CD74: variants seen among roughly 807,000 people sequenced by gnomAD.
CD74 encodes HLA class II histocompatibility antigen gamma chain.
CD74 carries 20 observed loss-of-function variants against 37.1 expected under a neutral mutation model. The ratio of observed to expected loss-of-function variants is 0.54; its 90% confidence interval spans 0.38 to 0.78. The LOEUF is 0.78. Ranked by LOEUF, CD74 falls within the 30% of genes least tolerant of loss-of-function variation. The pLI is 0.00. For missense variants in CD74, 338 were observed against 389.5 expected (o/e 0.87, Z 1.11); for synonymous variants, 150 against 152.0 (o/e 0.99, Z 0.10).
intron 6 of CD74, chr5:150,404,409 TGA>T: frequency 4.4e-6 from 2 of 458,156 alleles, no homozygotes; most frequent in Non-Finnish European, 8.1e-6. Flanking sequence ...CCATCCTCTA[TGA>T]GAGAGGTCAC....
chr5:150,402,505 G>T lies in CD74; in HGVS notation c.880+58C>A, dbSNP rs764232600. 3 of 1,421,038 alleles carry T rather than the reference G, an allele frequency of 2.1e-6. No individual in the cohort carries two copies. The highest frequency in any genetic ancestry group is 3.0e-6 in the Non-Finnish European group (3 of 1,003,546). The allele number at this position is 1,421,038 out of a possible 1,614,324, so 88.0% of individuals were successfully genotyped here. ...CACTCCTTCACCTGCCCACAAAGGA[G>T]CTGGCCCTGCTGGGGATGAGCTGCT... On this transcript the variant is annotated intron_variant, in intron 8 of 8. Transcript: ENST00000009530. The surrounding 1 kb of genome is among the most constrained non-coding windows in gnomAD (Gnocchi z 4.2).
chr5:150,406,463 A>G (rs1195110713), intron 3 of CD74, 142 bp from the exon 4 acceptor site: 3 of 708,590 alleles, frequency 4.2e-6, no homozygotes, highest in Non-Finnish European at 7.7e-6. Context: ...ACCTCCAAAC[A>G]TGAGAGCTCG....
Position 150,401,825 on chromosome 5 carries a change from A to C in CD74, c.*415T>G. 3.1e-6 allele frequency: 2 copies of C among 637,266 alleles called. No individual in the cohort carries two copies. Among genetic ancestry groups the C allele is most frequent in the South Asian group, 3.6e-5 (2 of 55,544 alleles). The allele number at this position is 637,266 out of a possible 1,614,324, so 39.5% of individuals were successfully genotyped here. ...AGCCTGCAGGTAAATAGGCTAGAAA[A>C]GCCAAGGCCAAAGGCTGGAGGGGAG... On this transcript the variant is annotated 3_prime_UTR_variant, in exon 9 of 9. Coordinates refer to ENST00000009530, the MANE Select transcript of CD74 (RefSeq NM_001025159.3).
Position 150,406,340 on chromosome 5 carries a change from G to C in CD74, c.379-19C>G, listed in dbSNP as rs1769961783. ...GCATGGGCTGTGGGAGGAAGTAACAGAAGGTTACCAGAGCTGGTCCCTGGA... is the reference window on the plus strand; with the variant it reads ...GCATGGGCTGTGGGAGGAAGTAACACAAGGTTACCAGAGCTGGTCCCTGGA... On this transcript the variant is annotated intron_variant, in intron 3 of 8. Coordinates refer to ENST00000009530, the MANE Select transcript of CD74 (RefSeq NM_001025159.3). 1 of 1,607,152 alleles carries C rather than the reference G, an allele frequency of 6.2e-7. No homozygotes were observed. Among genetic ancestry groups the C allele is most frequent in the Non-Finnish European group, 8.5e-7 (1 of 1,174,116 alleles).
Position 150,412,647 on chromosome 5 carries a change from G to A in CD74, c.103C>T (p.Arg35Trp). ...TACCTCTCCGGGGCCCCAGGGCGCC[G>A]GCCCAGCATGGGCAGTTGCTCATTG... ...SNNEQLPMLGRRPGAPESKCS... is the reference protein window; with the variant it reads ...SNNEQLPMLGWRPGAPESKCS... The change falls in exon 1 of 9, where the codon CGG (arginine) becomes TGG (tryptophan). Residue 35 changes from arginine (R) to tryptophan (W), a missense_variant. Transcript: ENST00000009530. The A allele has an allele frequency of 1.9e-6, 3 of 1,613,568 alleles. No individual in the cohort carries two copies. The highest frequency in any genetic ancestry group is 2.5e-6 in the Non-Finnish European group (3 of 1,179,928).
intron 1 of CD74, among the ~76,000 whole-genome samples, chr5:150,410,663 T>A: frequency 6.9e-6 from 1 of 144,576 alleles, no homozygotes. Context: ...TCATTTACAC[T>A]ACCTTCTTCT....
intron 4 of CD74, chr5:150,405,467 C>T: frequency 8.5e-7 from 1 of 1,178,780 alleles, no homozygotes; most frequent in Non-Finnish European, 1.0e-6. Context: ...GCTCAGCTTT[C>T]AGGTCTTACC....
intron 1 of CD74, among the ~76,000 whole-genome samples, 158 bp downstream of exon 1, chr5:150,412,467 C>T (rs1272647602): frequency 6.6e-6 from 1 of 152,250 alleles, no homozygotes; most frequent in Non-Finnish European, 1.5e-5. Flanking sequence ...GAGCCCAGAG[C>T]AGGCCAAAGA....
rs1408840862 is a variant in CD74, at chr5:150,402,204, G to C, written c.*36C>G. 1 of 1,595,632 alleles carries C rather than the reference G, an allele frequency of 6.3e-7. No homozygotes were observed. Among genetic ancestry groups the C allele is most frequent in the East Asian group, 2.3e-5 (1 of 44,242 alleles). The stretch of plus-strand genomic sequence containing the variant: ...GGAGCAAGAAAGCTGTAGCTGTGTG[G>C]GGCTGGCAGGATGTTGAAGACCGCC... On this transcript the variant is annotated 3_prime_UTR_variant, in exon 9 of 9. Coordinates refer to ENST00000009530, the MANE Select transcript of CD74 (RefSeq NM_001025159.3). The surrounding 1 kb of genome is among the most constrained non-coding windows in gnomAD (Gnocchi z 4.2).
rs1388940151 is a variant in CD74, at chr5:150,403,884, C to A, written c.626-572G>T. On this transcript the variant is annotated intron_variant, in intron 6 of 8. Transcript: ENST00000009530. The surrounding 1 kb of genome is among the most constrained non-coding windows in gnomAD (Gnocchi z 4.5). Reference sequence around the variant, plus strand: ...AAAAACAAACAATCAAACAAAAAAACACCATTACAGTTTGGAATTGCACTT... The same window carrying A: ...AAAAACAAACAATCAAACAAAAAAAAACCATTACAGTTTGGAATTGCACTT... Among the ~76,000 whole-genome samples the A allele has an allele frequency of 6.6e-6, 1 of 152,166 alleles. No individual in the cohort carries two copies. Among genetic ancestry groups the A allele is most frequent in the Non-Finnish European group, 1.5e-5 (1 of 68,040 alleles).
chr5:150,406,251 G>T lies in CD74; in HGVS notation c.441+8C>A. 6.2e-7 allele frequency: 1 copy of T among 1,612,480 alleles called. No homozygotes were observed. The highest frequency in any genetic ancestry group is 1.1e-5 in the South Asian group (1 of 91,054). ...GGCAGGACCACCCAGCTAGCTCCCT[G>T]CACTCACCTGGAGCAGGTGCATCAC... On this transcript the variant is annotated splice_region_variant and intron_variant, in intron 4 of 8. Transcript: ENST00000009530.
chr5:150,405,005 C>T (rs1769870437), intron 5 of CD74, 80 bp downstream of exon 5: 1 of 1,324,594 alleles, frequency 7.5e-7, no homozygotes, highest in East Asian at 2.3e-5. Context: ...CTTCCCCAGC[C>T]CACCCTCACC....
Position 150,407,411 on chromosome 5 carries a change from C to G in CD74, c.126-87G>C. 9.0e-7 allele frequency: 1 copy of G among 1,112,744 alleles called. No homozygotes were observed. The highest frequency in any genetic ancestry group is 1.5e-5 in the South Asian group (1 of 66,548). 68.9% of individuals were successfully genotyped at this position (1,112,744 alleles called of 1,614,324 possible). A position where few individuals can be genotyped will look rare whatever the true frequency, so the allele number is the denominator to read the frequency against. ...GGCTAGGAATGGGGAAATGTATACC[C>G]CCATCTCCATTAGACCCCTAAGCCA... On this transcript the variant is annotated intron_variant, in intron 1 of 8. Coordinates refer to ENST00000009530, the MANE Select transcript of CD74 (RefSeq NM_001025159.3). The surrounding 1 kb of genome is among the most constrained non-coding windows in gnomAD (Gnocchi z 4.4).
At chr5:150,404,876 C>A (rs1561551637) in intron 5 of CD74, 109 bp from the exon 6 acceptor site, 2 of 851,608 alleles carry the variant, frequency 2.3e-6, no homozygotes. Flanking sequence ...AGGGCCCCAA[C>A]ACCCGGGTCC....
In CD74 at chr5:150,412,644, G is replaced by A. The variant is rs1158850714; in HGVS notation, c.106C>T (p.Arg36Cys). The change falls in exon 1 of 9, where the codon CGC (arginine) becomes TGC (cysteine). Residue 36 changes from arginine (R) to cysteine (C), a missense_variant. By Grantham distance (180) the Arg-to-Cys change is radical. Coordinates refer to ENST00000009530, the MANE Select transcript of CD74 (RefSeq NM_001025159.3). ...NNEQLPMLGR[R>C]PGAPESKCSR... The stretch of plus-strand genomic sequence containing the variant: ...ACATACCTCTCCGGGGCCCCAGGGC[G>A]CCGGCCCAGCATGGGCAGTTGCTCA... 3.7e-6 allele frequency: 6 copies of A among 1,613,142 alleles called. No homozygotes were observed. Among genetic ancestry groups the A allele is most frequent in the East Asian group, 4.5e-5 (2 of 44,894 alleles).
At position 150,403,201 on chromosome 5, in the gene CD74, C is replaced by G. The variant is rs1050142581; in HGVS notation, c.737G>C (p.Ser246Thr). 7 of 1,613,938 alleles carry G rather than the reference C, an allele frequency of 4.3e-6. No homozygotes were observed. Among genetic ancestry groups the G allele is most frequent in the Admixed American group, 3.3e-5 (2 of 60,012 alleles). The change falls in exon 7 of 9, where the codon AGC (serine) becomes ACC (threonine). Residue 246 changes from serine (S) to threonine (T), a missense_variant. Ser to Thr is a moderately conservative substitution (Grantham distance 58). Coordinates refer to ENST00000009530, the MANE Select transcript of CD74 (RefSeq NM_001025159.3). This position sits in a 1 kb window ranked among gnomAD's most constrained non-coding sequence, Gnocchi z 4.5. ...GAAGACACACCAGCAGTAGCCGATG[C>G]TCCCATAGCACTGGAGTGGCAGATA... ...GNYLPLQCYG[S>T]IGYCWCVFPN...
rs1340148236 is a variant in CD74, at chr5:150,403,935, A to G, written c.626-623T>C. 6.6e-6 allele frequency among the ~76,000 whole-genome samples: 1 copy of G among 152,250 alleles called. No individual in the cohort carries two copies. The highest frequency in any genetic ancestry group is 1.9e-4 in the East Asian group (1 of 5,200). ...GCGATTCTGATTCTAGAGAAAAGCA[A>G]TGGGCACCTTGGTAAGTCTAAGCTT... On this transcript the variant is annotated intron_variant, in intron 6 of 8. Coordinates refer to ENST00000009530, the MANE Select transcript of CD74 (RefSeq NM_001025159.3). The surrounding 1 kb of genome is among the most constrained non-coding windows in gnomAD (Gnocchi z 4.5).
chr5:150,406,137 C>T (rs1236798297), intron 4 of CD74, 122 bp downstream of exon 4: 3 of 768,880 alleles, frequency 3.9e-6, no homozygotes, highest in African/African-American at 1.7e-5. Context: ...CCCTTGTATT[C>T]AGTAATCCAG....
Position 150,403,849 on chromosome 5 carries a change from ACT to A in CD74, c.626-539_626-538del, listed in dbSNP as rs1264089587. On this transcript the variant is annotated intron_variant, in intron 6 of 8. Coordinates refer to ENST00000009530, the MANE Select transcript of CD74 (RefSeq NM_001025159.3). This position sits in a 1 kb window ranked among gnomAD's most constrained non-coding sequence, Gnocchi z 4.5. ...ACTCCAGCCTGGGCGACAGAGCCAG[ACT>A]CTATCTCAAAAACAAACAATCAAAC... 6.6e-6 allele frequency among the ~76,000 whole-genome samples: 1 copy of A among 152,212 alleles called. No individual in the cohort carries two copies. The highest frequency in any genetic ancestry group is 1.5e-5 in the Non-Finnish European group (1 of 68,026).
Sources: gnomAD v4.1 joint callset for allele counts (sites outside exome capture counted in the v4.1 genomes callset) on GRCh38, gnomAD v4.1.1 for gene constraint, Gnocchi (gnomAD v3.1) non-coding constraint, MANE v1.5 for transcripts, NCBI Gene and HGNC (gene_info 2026-07-23, HGNC 2026-07-21) for gene names.